The following HSPA12A variants were observed in gnomAD, a reference collection of about 807,000 sequenced individuals.
HSPA12A encodes the protein heat shock 70 kDa protein 12A.
Under a neutral mutation model 69.2 loss-of-function variants are expected in HSPA12A, and 28 were observed. The observed-to-expected ratio is 0.40, with a 90% CI of 0.30 to 0.55. The LOEUF (loss-of-function observed/expected upper bound fraction) is 0.55. HSPA12A is among the 20% of genes least tolerant of loss of function. The probability of loss-of-function intolerance (pLI) is 0.38; values close to 1 mark genes in which losing one functional copy is unlikely to be tolerated. For missense variants in HSPA12A, 686 were observed against 900.7 expected (o/e 0.76, Z 3.05); for synonymous variants, 345 against 370.5 (o/e 0.93, Z 0.79).
intron 1 of HSPA12A, among the ~76,000 whole-genome samples, chr10:116,725,143 A>G (rs562361736): frequency 6.6e-6 from 1 of 152,270 alleles, no homozygotes; most frequent in African/African-American, 2.4e-5. Context: ...TCCCACCTGG[A>G]AGGGGGCTCT....
chr10:116,849,316 G>A (rs990076811), intron 1 of HSPA12A, among the ~76,000 whole-genome samples: 5 of 152,196 alleles, frequency 3.3e-5, no homozygotes, highest in Non-Finnish European at 4.4e-5. Flanking sequence ...ACGAAGCCGG[G>A]AGGGCCCTAG....
At chr10:116,678,999 T>A (rs961551794) in intron 10 of HSPA12A, among the ~76,000 whole-genome samples, 6 of 152,182 alleles carry the variant, frequency 3.9e-5, no homozygotes, top group African/African-American at 7.2e-5. Flanking sequence ...TCTTTTTTTT[T>A]AAATTCGGCT....
chr10:116,753,060 C>T (rs527359208), intron 2 of HSPA12A, among the ~76,000 whole-genome samples: 1 of 152,348 alleles, frequency 6.6e-6, no homozygotes, highest in Non-Finnish European at 1.5e-5. Context: ...AGTCCTCAGC[C>T]TTCCCTACTC....
rs184698639 is a variant in HSPA12A, at chr10:116,689,866, G to A, written c.663+2485C>T. On this transcript the variant is annotated intron_variant, in intron 6 of 11. Transcript: ENST00000369209. ...ATGCAGGAGGAACTCCCGCTTACTCGGGAGGGTCAGCGTTTTGCTCTATTC... is the reference window on the plus strand; with the variant it reads ...ATGCAGGAGGAACTCCCGCTTACTCAGGAGGGTCAGCGTTTTGCTCTATTC... Among the ~76,000 whole-genome samples the A allele has an allele frequency of 2.4e-4, 36 of 151,794 alleles. 1 individual carries two copies. The East Asian group carries it at 4.7e-3, about 20-fold the overall frequency.
intron 2 of HSPA12A, among the ~76,000 whole-genome samples, chr10:116,754,234 C>T (rs911486321): frequency 3.9e-5 from 6 of 152,142 alleles, no homozygotes; most frequent in South Asian, 2.1e-4. Flanking sequence ...TCACTCATAA[C>T]GGGGAAAACA....
chr10:116,716,735 T>C (rs1320993082), intron 1 of HSPA12A, among the ~76,000 whole-genome samples: 1 of 152,066 alleles, frequency 6.6e-6, no homozygotes, highest in Non-Finnish European at 1.5e-5. Flanking sequence ...AGTGGAGGTG[T>C]GGATGTTTGT....
rs538447698 is a variant in HSPA12A at position 116,781,233 on chromosome 10, G to A, written c.91+53702C>T. Among the ~76,000 whole-genome samples the A allele has an allele frequency of 4.6e-5, 7 of 152,172 alleles. No homozygotes were observed. In the South Asian group the frequency reaches 6.2e-4, roughly 14 times the overall value. On this transcript the variant is annotated intron_variant, in intron 2 of 12. Transcript: ENST00000635765. ...GAAGATCTCTTGAGCCCAGGAGGCC[G>A]AGGGTGCAGTGAAACTTGCACTGCA... is the stretch of plus-strand genomic sequence containing the variant.
chr10:116,719,239 G>A (rs1383636107), intron 1 of HSPA12A, among the ~76,000 whole-genome samples: 1 of 152,238 alleles, frequency 6.6e-6, no homozygotes, highest in Admixed American at 6.5e-5. Context: ...ACGTGGGAGT[G>A]GGTTTGTGAC....
intron 1 of HSPA12A, among the ~76,000 whole-genome samples, chr10:116,737,046 C>G (rs1851338597): frequency 6.6e-6 from 1 of 152,142 alleles, no homozygotes; most frequent in African/African-American, 2.4e-5. Flanking sequence ...CATATAAAAA[C>G]TCATTTAATT....
chr10:116,771,135 G>A (rs782492237), intron 2 of HSPA12A, among the ~76,000 whole-genome samples: 33 of 152,308 alleles, frequency 2.2e-4, no homozygotes, highest in Admixed American at 1.4e-3. Context: ...AGAGGTGGGC[G>A]CAGGCTCAGA....
chr10:116,700,805 TA>T, intron 4 of HSPA12A, 137 bp downstream of exon 4: 1 of 750,118 alleles, frequency 1.3e-6, no homozygotes, highest in Non-Finnish European at 2.2e-6. Context: ...AAAATCAAGG[TA>T]AATGGACACT....
In HSPA12A at chr10:116,694,288, C is replaced by CTT. The variant is rs201832710; in HGVS notation, c.547-1823_547-1822dup. On this transcript the variant is annotated intron_variant, in intron 5 of 11. Coordinates refer to ENST00000369209, the MANE Select transcript of HSPA12A (RefSeq NM_025015.3). Reference sequence around the variant, plus strand: ...CGTCCCACTTGAGTAGGTATCCTGCCTTTGCTTATTCCAGCCAAGCAAGCC... The same window carrying CTT: ...CGTCCCACTTGAGTAGGTATCCTGCCTTTTTGCTTATTCCAGCCAAGCAAGCC... Among the ~76,000 whole-genome samples, 690 of 152,280 alleles carry CTT rather than the reference C, an allele frequency of 4.5e-3. 7 individuals carry two copies. The highest frequency in any genetic ancestry group is 0.015 in the African/African-American group (628 of 41,564).
At chr10:116,732,324 A>AAACAAAC (rs1554885895) in intron 1 of HSPA12A, among the ~76,000 whole-genome samples, 1 of 27,456 alleles carries the variant, frequency 3.6e-5, no homozygotes, top group East Asian at 1.0e-3. Flanking sequence ...CGTCTCAAAA[A>AAACAAAC]AAACAAAGAA....
chr10:116,683,930 C>T lies in HSPA12A; in HGVS notation c.696G>A (p.Gln232=). 1.3e-6 allele frequency: 2 copies of T among 1,585,636 alleles called. No individual in the cohort carries two copies. Among genetic ancestry groups the T allele is most frequent in the Non-Finnish European group, 1.7e-6 (2 of 1,158,562 alleles). Reference sequence around the variant, plus strand: ...CCTCAGGCTCCAAGGCAATGATGAGCTGCTCCGAGTTCTCGGGGGAGGCCA... The same window carrying T: ...CCTCAGGCTCCAAGGCAATGATGAGTTGCTCCGAGTTCTCGGGGGAGGCCA... ...AGLASPENSE[Q]LIIALEPEAA... The change falls in exon 7 of 12, where the codon CAG becomes CAA. Residue 232 remains glutamine, a synonymous_variant. Transcript: ENST00000369209.
At chr10:116,756,607 G>A (rs938272377) in intron 2 of HSPA12A, among the ~76,000 whole-genome samples, 2 of 152,350 alleles carry the variant, frequency 1.3e-5, no homozygotes, top group South Asian at 2.1e-4. Flanking sequence ...GCCTGCAGCC[G>A]CCTCTCAGCC....
intron 2 of HSPA12A, among the ~76,000 whole-genome samples, chr10:116,758,909 G>C (rs1239202427): frequency 1.3e-5 from 2 of 152,104 alleles, no homozygotes; most frequent in Non-Finnish European, 2.9e-5. Context: ...TCTAGATCCT[G>C]GTTCCTGACA....
intron 5 of HSPA12A, chr10:116,698,283 C>CTTTCATTTCTCTTAGGGA (rs1310700282): frequency 3.0e-5 from 6 of 199,546 alleles, no homozygotes; most frequent in Non-Finnish European, 6.1e-5. Context: ...TGGACATCTT[C>CTTTCATTTCTCTTAGGGA]TTTCATTTCT....
intron 2 of HSPA12A, among the ~76,000 whole-genome samples, chr10:116,814,197 G>A (rs1845253682): frequency 1.3e-5 from 2 of 152,190 alleles, no homozygotes; most frequent in Non-Finnish European, 2.9e-5. Context: ...TCAGTAGATG[G>A]TTTAAAGGGC....
chr10:116,701,901 T>C (rs1173232241), intron 3 of HSPA12A, among the ~76,000 whole-genome samples: 1 of 152,102 alleles, frequency 6.6e-6, no homozygotes, highest in East Asian at 1.9e-4. Context: ...AGCAGGGGTA[T>C]GACAGAATCA....
Sources: allele counts gnomAD v4.1 joint callset (sites outside exome capture counted in the v4.1 genomes callset), GRCh38; gene constraint gnomAD v4.1.1; transcripts MANE v1.5; gene names NCBI Gene and HGNC (gene_info 2026-07-23, HGNC 2026-07-21).